ITGA9: variants seen among roughly 807,000 people sequenced by gnomAD.
ITGA9 encodes the protein integrin alpha-9.
A neutral mutation model predicts 127.8 loss-of-function variants in ITGA9; 56 were observed. The ratio of observed to expected loss-of-function variants is 0.44; its 90% CI spans 0.35 to 0.55. The LOEUF (loss-of-function observed/expected upper bound fraction) is 0.55. ITGA9 is among the 20% of genes least tolerant of loss of function. The pLI is 0.00. For missense variants in ITGA9, 1,196 were observed against 1,347.1 expected (o/e 0.89, Z 1.76); for synonymous variants, 508 against 514.5 (o/e 0.99, Z 0.17).
chr3:37,700,782 A>G (rs779272269), intron 18 of ITGA9, among the ~76,000 whole-genome samples: 23 of 152,244 alleles, frequency 1.5e-4, no homozygotes, highest in East Asian at 1.9e-4. Flanking sequence ...GGGTATATCT[A>G]TCTTTCTCTG....
intron 14 of ITGA9, among the ~76,000 whole-genome samples, chr3:37,541,708 A>G (rs932080062): frequency 1.3e-5 from 2 of 152,208 alleles, no homozygotes; most frequent in African/African-American, 4.8e-5. Flanking sequence ...GATAGGCACT[A>G]CAAAATGTTT....
intron 17 of ITGA9, among the ~76,000 whole-genome samples, chr3:37,671,500 T>C (rs1371457934): frequency 1.3e-5 from 2 of 152,240 alleles, no homozygotes; most frequent in Non-Finnish European, 2.9e-5. Context: ...AATACATATT[T>C]ACCTTAATTA....
chr3:37,709,733 C>T (rs1274458759), intron 18 of ITGA9, among the ~76,000 whole-genome samples: 8 of 152,214 alleles, frequency 5.3e-5, no homozygotes, highest in Non-Finnish European at 1.0e-4. Context: ...ATCACCTTCA[C>T]GCTTTGTCTT....
chr3:37,594,193 G>A (rs1363042201), intron 15 of ITGA9, among the ~76,000 whole-genome samples: 3 of 152,222 alleles, frequency 2.0e-5, no homozygotes, highest in African/African-American at 7.2e-5. Flanking sequence ...CTTTTCACGT[G>A]GGGGTTGTTG....
intron 1 of ITGA9, among the ~76,000 whole-genome samples, chr3:37,458,285 G>T (rs1318131070): frequency 6.6e-6 from 1 of 152,206 alleles, no homozygotes; most frequent in Non-Finnish European, 1.5e-5. Context: ...TTCACTGGGG[G>T]CTTGTGTCAG....
rs148629012 is a variant in ITGA9, at chr3:37,493,042, C to G, written c.545-1459C>G. On this transcript the variant is annotated intron_variant, in intron 4 of 27. Coordinates refer to ENST00000264741, the MANE Select transcript of ITGA9 (RefSeq NM_002207.3). ...GTCACTGGACTGCTTTCTGGCAGGTCTAGCAGTTGTCCTTATAATAACCGG... is the reference window on the plus strand; with the variant it reads ...GTCACTGGACTGCTTTCTGGCAGGTGTAGCAGTTGTCCTTATAATAACCGG... Among the ~76,000 whole-genome samples the G allele has an allele frequency of 1.5e-3, 229 of 152,106 alleles. 1 individual carries two copies. Among genetic ancestry groups the G allele is most frequent in the Admixed American group, 3.7e-3 (57 of 15,302 alleles).
chr3:37,559,545 CTT>C (rs1402531453), intron 15 of ITGA9, among the ~76,000 whole-genome samples: 1 of 152,198 alleles, frequency 6.6e-6, no homozygotes, highest in African/African-American at 2.4e-5. Context: ...CTTGCTGCCT[CTT>C]GTTAGCCTTT....
At chr3:37,498,606 G>A (rs903662947) in intron 5 of ITGA9, among the ~76,000 whole-genome samples, 4 of 152,174 alleles carry the variant, frequency 2.6e-5, no homozygotes, top group Non-Finnish European at 5.9e-5. Flanking sequence ...GAAACATGGG[G>A]TGTCAGCATG....
chr3:37,743,813 TG>T, intron 21 of ITGA9, 112 bp from the exon 22 acceptor site: 1 of 791,672 alleles, frequency 1.3e-6, no homozygotes, highest in Non-Finnish European at 2.3e-6. Flanking sequence ...AGGGAAGCAC[TG>T]GGTGCAAGAC....
In ITGA9 at chr3:37,632,881, C is replaced by T. The variant is rs75158617; in HGVS notation, c.1839+3545C>T. Among the ~76,000 whole-genome samples, 212 of 152,284 alleles carry T rather than the reference C, an allele frequency of 1.4e-3. 1 individual carries two copies. Among genetic ancestry groups the T allele is most frequent in the African/African-American group, 5.0e-3 (207 of 41,554 alleles). On this transcript the variant is annotated intron_variant, in intron 16 of 27. Coordinates refer to ENST00000264741, the MANE Select transcript of ITGA9 (RefSeq NM_002207.3). ...GAAATTAGAATTTTGTTTTCAGCCA[C>T]ACAATCAAAGTATGTGGTAAAAATA...
At chr3:37,787,447 A>T (rs947975864) in intron 26 of ITGA9, among the ~76,000 whole-genome samples, 1 of 152,132 alleles carries the variant, frequency 6.6e-6, no homozygotes, top group East Asian at 1.9e-4. Flanking sequence ...CACTATGGTG[A>T]TATTTTCATT....
chr3:37,668,557 T>A (rs1410644361), intron 17 of ITGA9, among the ~76,000 whole-genome samples: 1 of 152,158 alleles, frequency 6.6e-6, no homozygotes, highest in Non-Finnish European at 1.5e-5. Flanking sequence ...ATTTTTGCAG[T>A]TTATTCTGTG....
Position 37,623,325 on chromosome 3 carries a change from G to A in ITGA9, c.1690-5862G>A, listed in dbSNP as rs146298357. 4.2e-3 allele frequency among the ~76,000 whole-genome samples: 636 copies of A among 152,288 alleles called. 3 individuals carry two copies. The highest frequency in any genetic ancestry group is 0.015 in the African/African-American group (609 of 41,552). ...TTTTCGCCCCTCAAGTCCTCATTGCGTTATTAGCCCTGAGCTCTTAAGTTT... is the reference window on the plus strand; with the variant it reads ...TTTTCGCCCCTCAAGTCCTCATTGCATTATTAGCCCTGAGCTCTTAAGTTT... On this transcript the variant is annotated intron_variant, in intron 15 of 27. Coordinates refer to ENST00000264741, the MANE Select transcript of ITGA9 (RefSeq NM_002207.3).
chr3:37,728,045 A>C (rs542502110), intron 18 of ITGA9, among the ~76,000 whole-genome samples: 12 of 152,268 alleles, frequency 7.9e-5, no homozygotes, highest in Non-Finnish European at 1.5e-4. Context: ...CTGCACTAGC[A>C]GTCAGGGACA....
chr3:37,750,644 C>A, intron 23 of ITGA9, 75 bp downstream of exon 23: 1 of 1,002,454 alleles, frequency 1.0e-6, no homozygotes, highest in Non-Finnish European at 1.6e-6. Flanking sequence ...TCCACCCTAC[C>A]CTGACATCCA....
intron 15 of ITGA9, among the ~76,000 whole-genome samples, chr3:37,587,638 C>T (rs1699771321): frequency 6.6e-6 from 1 of 151,396 alleles, no homozygotes; most frequent in Non-Finnish European, 1.5e-5. Flanking sequence ...GTACTGAGTA[C>T]TGCATTTATT....
chr3:37,498,146 A>G (rs1364031935), intron 5 of ITGA9, among the ~76,000 whole-genome samples: 1 of 152,180 alleles, frequency 6.6e-6, no homozygotes, highest in Non-Finnish European at 1.5e-5. Context: ...CCATTGGGAG[A>G]TATAAACTGC....
intron 4 of ITGA9, among the ~76,000 whole-genome samples, chr3:37,485,468 T>C (rs17036423): frequency 0.18 from 27,551 of 151,948 alleles, 2,574 homozygotes; most frequent in Middle Eastern, 0.22. Context: ...TGGGAGTCGA[T>C]GCTGTGATGC....
Position 37,818,914 on chromosome 3 carries a change from C to T in ITGA9, c.3033C>T (p.Tyr1011=), listed in dbSNP as rs1360883052. ...AGATGGGCTTCTTTCGCCGAAGGTA[C>T]AAAGAAATTATCGAAGCTGAGAAGA... ...LWKMGFFRRR[Y]KEIIEAEKNR... The change falls in exon 28 of 28, where the codon TAC becomes TAT. Residue 1011 remains tyrosine, a synonymous_variant. Transcript: ENST00000264741. 1 of 1,613,926 alleles carries T rather than the reference C, an allele frequency of 6.2e-7. No homozygotes were observed. The highest frequency in any genetic ancestry group is 1.1e-5 in the South Asian group (1 of 91,080).
Sources: gnomAD v4.1 joint callset for allele counts (sites outside exome capture counted in the v4.1 genomes callset) on GRCh38, gnomAD v4.1.1 for gene constraint, MANE v1.5 for transcripts, NCBI Gene and HGNC (gene_info 2026-07-23, HGNC 2026-07-21) for gene names.